The following POU6F2 variants were observed in gnomAD, a reference collection of about 807,000 sequenced individuals.
The protein encoded by POU6F2 is POU class 6 homeobox 2.
Under a neutral mutation model 71.3 loss-of-function variants are expected in POU6F2, and 31 were observed. That is an observed-to-expected ratio of 0.43 (90% CI 0.33 to 0.59). POU6F2 has a LOEUF of 0.59. POU6F2 is among the 20% of genes least tolerant of loss of function. The pLI is 0.04. For missense variants in POU6F2, 783 were observed against 856.8 expected (o/e 0.91, Z 1.07); for synonymous variants, 347 against 355.7 (o/e 0.98, Z 0.27).
intron 4 of POU6F2, among the ~76,000 whole-genome samples, chr7:39,277,145 G>A (rs1017182813): frequency 5.3e-5 from 8 of 152,098 alleles, no homozygotes; most frequent in Non-Finnish European, 7.4e-5. Context: ...TAAGATTGAA[G>A]AAACAGTACA....
chr7:39,033,333 T>C (rs568822122), intron 1 of POU6F2, among the ~76,000 whole-genome samples: 1 of 152,346 alleles, frequency 6.6e-6, no homozygotes, highest in South Asian at 2.1e-4. Flanking sequence ...CGACTAATAA[T>C]TTTCTTTTGC....
At position 39,226,790 on chromosome 7, in the gene POU6F2, A is replaced by C. The variant is rs142909414; in HGVS notation, c.598+19170A>C. Among the ~76,000 whole-genome samples the C allele has an allele frequency of 4.2e-3, 633 of 152,294 alleles. 5 individuals carry two copies. Among genetic ancestry groups the C allele is most frequent in the African/African-American group, 0.015 (613 of 41,568 alleles). On this transcript the variant is annotated intron_variant, in intron 4 of 9. Transcript: ENST00000518318. ...CATGATCAGAGAAGAGTGTTCTAGG[A>C]AAGAAAGGCCAAGACTCTTCCTTTT...
chr7:39,446,771 T>G (rs1788533034), intron 7 of POU6F2, among the ~76,000 whole-genome samples: 1 of 152,342 alleles, frequency 6.6e-6, no homozygotes, highest in Non-Finnish European at 1.5e-5. Flanking sequence ...CCTCCTCCTC[T>G]GGAAAATCCA....
intron 4 of POU6F2, among the ~76,000 whole-genome samples, chr7:39,301,447 A>C (rs555999362): frequency 6.6e-6 from 1 of 152,288 alleles, no homozygotes; most frequent in South Asian, 2.1e-4. Flanking sequence ...ACAACCTGTA[A>C]GGCTTTTTAA....
In POU6F2 at chr7:39,464,894, A is replaced by G; in HGVS notation, c.*208A>G. On this transcript the variant is annotated 3_prime_UTR_variant, in exon 10 of 10. Coordinates refer to ENST00000518318, the MANE Select transcript of POU6F2 (RefSeq NM_001370959.1). The surrounding 1 kb of genome is among the most constrained non-coding windows in gnomAD (Gnocchi z 4.1). ...GGTTTTCCAAAAAGGAAAGAAGAAA[A>G]TTTTTAGAAAATTTTTAAACAAGGA... The G allele has an allele frequency of 1.5e-6, 1 of 683,894 alleles. No individual in the cohort carries two copies. The highest frequency in any genetic ancestry group is 2.3e-5 in the South Asian group (1 of 43,216). 42.4% of individuals were successfully genotyped at this position (683,894 alleles called of 1,614,324 possible).
chr7:39,357,777 T>C (rs773631427), intron 5 of POU6F2, among the ~76,000 whole-genome samples: 2 of 152,200 alleles, frequency 1.3e-5, no homozygotes, highest in Non-Finnish European at 2.9e-5. Flanking sequence ...AAAAATGCCA[T>C]GTTATGAAAA....
chr7:39,032,678 T>C (rs1431859795), intron 1 of POU6F2, among the ~76,000 whole-genome samples: 1 of 152,230 alleles, frequency 6.6e-6, no homozygotes, highest in Admixed American at 6.5e-5. Context: ...ATTTGCTTTG[T>C]TTGATCTGCG....
chr7:39,070,677 C>T (rs1273387143), intron 1 of POU6F2, among the ~76,000 whole-genome samples: 1 of 152,192 alleles, frequency 6.6e-6, no homozygotes, highest in African/African-American at 2.4e-5. Flanking sequence ...TTGTGATGCT[C>T]ACATGCCCTT....
At chr7:39,361,228 C>T (rs761744468) in intron 5 of POU6F2, among the ~76,000 whole-genome samples, 41 of 152,156 alleles carry the variant, frequency 2.7e-4, no homozygotes, top group Non-Finnish European at 5.6e-4. Flanking sequence ...AAAGCGGACT[C>T]CTTGACCCAC....
At chr7:39,078,138 A>T (rs959040854) in intron 1 of POU6F2, among the ~76,000 whole-genome samples, 1 of 152,230 alleles carries the variant, frequency 6.6e-6, no homozygotes, top group Non-Finnish European at 1.5e-5. Flanking sequence ...AAGAGCTGCC[A>T]CACATTCAGA....
At position 39,456,704 on chromosome 7, in the gene POU6F2, C is replaced by T. The variant is rs1431962199; in HGVS notation, c.1490-3843C>T. Among the ~76,000 whole-genome samples, 9 of 152,166 alleles carry T rather than the reference C, an allele frequency of 5.9e-5. 1 individual carries two copies. Among genetic ancestry groups the T allele is most frequent in the Admixed American group, 5.9e-4 (9 of 15,276 alleles). On this transcript the variant is annotated intron_variant, in intron 8 of 9. Transcript: ENST00000518318. ...GCCATCTGAGTTTTCTGGATAAGAA[C>T]ACTAATATAAAGAAATCTGAGTGTT... is the stretch of plus-strand genomic sequence containing the variant.
chr7:39,312,384 T>C (rs185115700), intron 4 of POU6F2, among the ~76,000 whole-genome samples: 1 of 152,194 alleles, frequency 6.6e-6, no homozygotes, highest in Non-Finnish European at 1.5e-5. Context: ...GGTCTCCAGC[T>C]TTTTCACAGA....
chr7:39,351,416 C>T (rs1400200310), intron 5 of POU6F2, among the ~76,000 whole-genome samples: 2 of 152,074 alleles, frequency 1.3e-5, no homozygotes, highest in East Asian at 1.9e-4. Flanking sequence ...ATTATTAGCC[C>T]GATATCTGCA....
At chr7:39,144,227 C>G (rs913829020) in intron 2 of POU6F2, among the ~76,000 whole-genome samples, 1 of 152,098 alleles carries the variant, frequency 6.6e-6, no homozygotes, top group African/African-American at 2.4e-5. Context: ...ATAAAAAGCT[C>G]ACTTATGATA....
intron 4 of POU6F2, among the ~76,000 whole-genome samples, chr7:39,283,732 C>G (rs1380940681): frequency 6.6e-6 from 1 of 152,156 alleles, no homozygotes; most frequent in East Asian, 1.9e-4. Flanking sequence ...TTTAAGCTTA[C>G]TTTATTTTAA....
intron 1 of POU6F2, among the ~76,000 whole-genome samples, chr7:39,053,372 T>C (rs1790437164): frequency 6.6e-6 from 1 of 152,150 alleles, no homozygotes; most frequent in African/African-American, 2.4e-5. Flanking sequence ...AGAATCCTGA[T>C]AATTCTTGTC....
chr7:39,451,690 A>C lies in POU6F2; in HGVS notation c.1478A>C (p.Gln493Pro). 1 of 1,592,582 alleles carries C rather than the reference A, an allele frequency of 6.3e-7. No homozygotes were observed. The highest frequency in any genetic ancestry group is 1.1e-5 in the South Asian group (1 of 87,560). The part of the protein sequence containing the change: ...SSSSSALSVG[Q>P]LVSNPQTAAG... ...TCTTCTTCAGCTTTGAGCGTGGGCCAGTTAGTCAGCAGTAAGTATCCTTTC... is the reference window on the plus strand; with the variant it reads ...TCTTCTTCAGCTTTGAGCGTGGGCCCGTTAGTCAGCAGTAAGTATCCTTTC... Residue 493 changes from glutamine (Q) to proline (P), a missense_variant, in exon 8 of 10, where the codon CAG (glutamine) becomes CCG (proline). Gln to Pro is a moderately conservative substitution (Grantham distance 76). This residue lies in a region of POU6F2 where 572 missense variants were observed against 572.9 expected (regional missense o/e 1.00). Transcript: ENST00000518318.
intron 5 of POU6F2, among the ~76,000 whole-genome samples, chr7:39,341,174 C>T (rs555396107): frequency 6.6e-6 from 1 of 152,240 alleles, no homozygotes; most frequent in South Asian, 2.1e-4. Context: ...GGATTAGAGA[C>T]TTGGTATTTT....
chr7:38,978,324 A>G (rs17254285), intron 1 of POU6F2, among the ~76,000 whole-genome samples: 2,076 of 152,324 alleles, frequency 0.014, 31 homozygotes, highest in Admixed American at 0.028. Context: ...TTTGGTCTGA[A>G]TGTTTCTTAA....
Sources: gnomAD v4.1 joint callset for allele counts (sites outside exome capture counted in the v4.1 genomes callset) on GRCh38, gnomAD v4.1.1 for gene constraint, gnomAD v4.1.1 regional missense constraint, Gnocchi (gnomAD v3.1) non-coding constraint, MANE v1.5 for transcripts, NCBI Gene and HGNC (gene_info 2026-07-23, HGNC 2026-07-21) for gene names.